Variants in PCDHA8 observed in about 807,000 individuals in gnomAD.
PCDHA8 encodes the protein protocadherin alpha-8.
A neutral mutation model predicts 61.8 loss-of-function variants in PCDHA8; 53 were observed. The observed-to-expected ratio is 0.86, with a 90% CI of 0.69 to 1.08. The LOEUF (loss-of-function observed/expected upper bound fraction) is 1.08. Among genes scored for constraint, PCDHA8 ranks in the 50% least tolerant of loss-of-function variants. The pLI is 0.00. For missense variants in PCDHA8, 1,293 were observed against 1,245.0 expected (o/e 1.04, Z -0.58); for synonymous variants, 618 against 556.6 (o/e 1.11, Z -1.55).
At chr5:140,881,461 C>T (rs1428843491) in intron 1 of PCDHA8, 1 of 635,408 alleles carries the variant, frequency 1.6e-6, no homozygotes, top group Non-Finnish European at 2.0e-6. Context: ...AACCTTAGAG[C>T]ATTGTTGTGG....
At chr5:140,941,191 T>TCTTTC (rs1554213808) in intron 1 of PCDHA8, among the ~76,000 whole-genome samples, 2 of 93,206 alleles carry the variant, frequency 2.1e-5, no homozygotes, top group South Asian at 5.6e-4. Flanking sequence ...GCTTCTTTTT[T>TCTTTC]TTTCTTTCTT....
intron 3 of PCDHA8, among the ~76,000 whole-genome samples, chr5:140,987,370 A>G (rs183202119): frequency 5.2e-4 from 79 of 152,328 alleles, no homozygotes; most frequent in East Asian, 3.9e-4. Context: ...TTATATCATT[A>G]CAGGGTCAGA....
rs782379229 is a variant in PCDHA8, at chr5:140,927,578, A to G, written c.2395-51371A>G. ...ATCATTGTGGTGGACACAAATGACAACGCGCCTGTATTTGAGCGCTCCGTA... is the reference window on the plus strand; with the variant it reads ...ATCATTGTGGTGGACACAAATGACAGCGCGCCTGTATTTGAGCGCTCCGTA... On this transcript the variant is annotated intron_variant, in intron 1 of 3. Transcript: ENST00000531613. 1.5e-5 allele frequency: 24 copies of G among 1,614,024 alleles called. No homozygotes were observed. The highest frequency in any genetic ancestry group is 2.0e-5 in the Non-Finnish European group (24 of 1,180,026).
chr5:140,889,679 C>A (rs968181758), intron 1 of PCDHA8, among the ~76,000 whole-genome samples: 4 of 152,026 alleles, frequency 2.6e-5, no homozygotes, highest in Admixed American at 6.6e-5. Flanking sequence ...TTATTTTAAA[C>A]CTTTTAGTAT....
intron 1 of PCDHA8, among the ~76,000 whole-genome samples, chr5:140,873,502 T>C (rs1554166743): frequency 3.3e-5 from 5 of 152,346 alleles, no homozygotes; most frequent in Non-Finnish European, 7.3e-5. Context: ...AGTTGTGTCT[T>C]TTATACTTAA....
intron 1 of PCDHA8, among the ~76,000 whole-genome samples, chr5:140,891,954 G>C (rs782159289): frequency 4.6e-5 from 7 of 152,318 alleles, no homozygotes; most frequent in Admixed American, 6.5e-5. Flanking sequence ...CTCCAGAATT[G>C]TGAGAAGTAA....
intron 1 of PCDHA8, among the ~76,000 whole-genome samples, chr5:140,945,758 G>A (rs1483102794): frequency 6.6e-6 from 1 of 152,014 alleles, no homozygotes; most frequent in Non-Finnish European, 1.5e-5. Flanking sequence ...ATAAATGGTG[G>A]TGGGACAATT....
intron 1 of PCDHA8, among the ~76,000 whole-genome samples, chr5:140,892,823 C>T (rs1554185387): frequency 6.6e-6 from 1 of 152,120 alleles, no homozygotes; most frequent in East Asian, 1.9e-4. Context: ...TCCTACAGTG[C>T]TACAGTGCTG....
chr5:140,968,422 G>C, intron 1 of PCDHA8: 2 of 1,613,984 alleles, frequency 1.2e-6, no homozygotes, highest in Non-Finnish European at 1.7e-6. Context: ...TGGAGGCTCA[G>C]GACAAGGGGA....
intron 1 of PCDHA8, chr5:140,871,446 A>C (rs1554165605): frequency 6.2e-7 from 1 of 1,610,058 alleles, no homozygotes; most frequent in Non-Finnish European, 8.5e-7. Context: ...GTCTGAATAA[A>C]GAGGAGGAAG....
At chr5:140,925,434 G>C (rs1165185781) in intron 1 of PCDHA8, among the ~76,000 whole-genome samples, 1 of 152,088 alleles carries the variant, frequency 6.6e-6, no homozygotes, top group African/African-American at 2.4e-5. Flanking sequence ...TAGGGTGTTA[G>C]GCAGAATTTG....
chr5:141,007,831 C>T (rs1347788424), intron 3 of PCDHA8, among the ~76,000 whole-genome samples: 2 of 152,296 alleles, frequency 1.3e-5, no homozygotes, highest in East Asian at 3.9e-4. Context: ...CAAGTAGCTA[C>T]CCATTAGAGA....
intron 1 of PCDHA8, chr5:140,853,930 A>G: frequency 1.1e-6 from 1 of 887,870 alleles, no homozygotes; most frequent in Non-Finnish European, 1.4e-6. Flanking sequence ...ACATTTTGGG[A>G]GGCCAAGGTG....
chr5:140,954,120 C>G (rs246026), intron 1 of PCDHA8, among the ~76,000 whole-genome samples: 85,718 of 152,076 alleles, frequency 0.56, 24,786 homozygotes, highest in African/African-American at 0.69. Flanking sequence ...GATCTTGTTC[C>G]TTTTTATGGA....
At chr5:140,974,865 G>A (rs1042029401) in intron 1 of PCDHA8, among the ~76,000 whole-genome samples, 7 of 152,026 alleles carry the variant, frequency 4.6e-5, no homozygotes, top group African/African-American at 1.4e-4. Context: ...GCCTTAATGC[G>A]GAACAGTCTA....
At chr5:140,975,174 T>C (rs1470598627) in intron 1 of PCDHA8, among the ~76,000 whole-genome samples, 1 of 152,208 alleles carries the variant, frequency 6.6e-6, no homozygotes, top group Non-Finnish European at 1.5e-5. Context: ...GACTCAGGAC[T>C]CTTGTCCCAT....
intron 1 of PCDHA8, chr5:140,966,750 C>T: frequency 7.0e-7 from 1 of 1,428,438 alleles, no homozygotes; most frequent in African/African-American, 1.5e-5. Context: ...CGGCTGCCTC[C>T]GCCGCGGCCA....
At chr5:140,992,637 G>A (rs31872) in intron 3 of PCDHA8, among the ~76,000 whole-genome samples, 103,738 of 151,942 alleles carry the variant, frequency 0.68, 36,576 homozygotes, top group African/African-American at 0.86. Flanking sequence ...AACTTCCCTG[G>A]AAAATAGAAG....
intron 1 of PCDHA8, chr5:140,849,498 A>G: frequency 6.3e-7 from 1 of 1,593,626 alleles, no homozygotes. Context: ...TGGTCATTGT[A>G]CACTTCTTGT....
Sources: gnomAD v4.1 joint callset for allele counts (sites outside exome capture counted in the v4.1 genomes callset) on GRCh38, gnomAD v4.1.1 for gene constraint, MANE v1.5 for transcripts, NCBI Gene and HGNC (gene_info 2026-07-23, HGNC 2026-07-21) for gene names.